Variants in JAK1 observed in about 807,000 individuals in gnomAD.
JAK1 encodes Janus kinase 1.
Under a neutral mutation model 136.6 loss-of-function variants are expected in JAK1, and 16 were observed. The ratio of observed to expected loss-of-function variants is 0.12; its 90% CI spans 0.08 to 0.18. The LOEUF (loss-of-function observed/expected upper bound fraction) is 0.18, where lower values mean the gene tolerates loss of function less well. JAK1 is among the 10% of genes least tolerant of loss of function. The pLI is 1.00. For synonymous variants in JAK1, 492 were observed against 519.5 expected (o/e 0.95, Z 0.72); for missense variants, 859 against 1,450.1 (o/e 0.59, Z 6.62).
intron 1 of JAK1, among the ~76,000 whole-genome samples, chr1:65,057,110 G>C (rs1296063449): frequency 6.6e-6 from 1 of 152,090 alleles, no homozygotes. Flanking sequence ...ATACAGACAT[G>C]AGCCTAGGAT....
intron 1 of JAK1, among the ~76,000 whole-genome samples, chr1:64,951,037 T>C (rs1301985693): frequency 3.9e-5 from 6 of 152,208 alleles, no homozygotes; most frequent in African/African-American, 1.4e-4. Context: ...TTAAACAGTA[T>C]TTACTAGACA....
chr1:64,844,352 T>C lies in JAK1; in HGVS notation c.2252-137A>G, dbSNP rs1024957157. The stretch of plus-strand genomic sequence containing the variant: ...TGCCCAAACATGGCCCATGGCCACA[T>C]AGGCCCTGTGCGGGGGGCCTGCAGG... On this transcript the variant is annotated intron_variant, in intron 16 of 24. Transcript: ENST00000342505. This position sits in a 1 kb window ranked among gnomAD's most constrained non-coding sequence, Gnocchi z 5.7. 9.5e-6 allele frequency: 11 copies of C among 1,154,180 alleles called. No homozygotes were observed. The highest frequency in any genetic ancestry group is 4.2e-5 in the South Asian group (3 of 71,944). The allele number at this position is 1,154,180 out of a possible 1,614,324, so 71.5% of individuals were successfully genotyped here.
chr1:64,961,468 C>T (rs1447277108), intron 1 of JAK1, among the ~76,000 whole-genome samples: 2 of 152,176 alleles, frequency 1.3e-5, no homozygotes, highest in Non-Finnish European at 2.9e-5. Context: ...CTTCCCCACT[C>T]ATTCGTTCAA....
intron 2 of JAK1, among the ~76,000 whole-genome samples, chr1:65,034,915 G>T (rs1361183362): frequency 6.6e-6 from 1 of 152,122 alleles, no homozygotes; most frequent in African/African-American, 2.4e-5. Context: ...AATTAGCCAG[G>T]CATGGCGGTG....
At chr1:64,918,627 A>G in intron 1 of JAK1, 1 of 180,404 alleles carries the variant, frequency 5.5e-6, no homozygotes, top group Non-Finnish European at 1.2e-5. Context: ...GAGCAATACA[A>G]GTTCTACTCA....
At chr1:64,926,007 T>C (rs1645576833) in intron 1 of JAK1, among the ~76,000 whole-genome samples, 1 of 151,970 alleles carries the variant, frequency 6.6e-6, no homozygotes, top group African/African-American at 2.4e-5. Flanking sequence ...AGATAGCATA[T>C]CAAATAAAAG....
At chr1:64,956,880 AAG>A (rs1646197267) in intron 1 of JAK1, among the ~76,000 whole-genome samples, 1 of 152,224 alleles carries the variant, frequency 6.6e-6, no homozygotes, top group South Asian at 2.1e-4. Context: ...AAGTGAGAGA[AAG>A]AGACGATACT....
chr1:64,942,379 AGGACT>A (rs1383102765), intron 1 of JAK1: 1 of 152,210 alleles, frequency 6.6e-6, no homozygotes, highest in Non-Finnish European at 1.5e-5. Flanking sequence ...GGCTCTCTAA[AGGACT>A]AATACACTAT....
intron 1 of JAK1, among the ~76,000 whole-genome samples, chr1:64,923,922 T>C (rs371656130): frequency 2.6e-5 from 4 of 152,232 alleles, no homozygotes; most frequent in East Asian, 3.9e-4. Flanking sequence ...ATAAACTATA[T>C]ACAATTTCAA....
intron 1 of JAK1, among the ~76,000 whole-genome samples, chr1:64,921,673 G>A (rs1008399923): frequency 1.3e-5 from 2 of 152,044 alleles, no homozygotes; most frequent in African/African-American, 2.4e-5. Context: ...GTAACCTAGG[G>A]ATAAGAAAAT....
chr1:65,065,065 TC>T (rs770228940), intron 1 of JAK1, among the ~76,000 whole-genome samples: 13 of 152,160 alleles, frequency 8.5e-5, no homozygotes, highest in Admixed American at 5.9e-4. Flanking sequence ...ATGTCAAAGT[TC>T]ATTGTGTTCC....
intron 1 of JAK1, among the ~76,000 whole-genome samples, chr1:64,959,054 G>A (rs1646238778): frequency 6.6e-6 from 1 of 152,208 alleles, no homozygotes; most frequent in African/African-American, 2.4e-5. Flanking sequence ...AAATTAGGGA[G>A]CTTTCTTGTC....
intron 2 of JAK1, chr1:64,995,041 G>A (rs753523546): frequency 4.6e-5 from 7 of 150,880 alleles, no homozygotes; most frequent in African/African-American, 1.2e-4. Context: ...AATTCTCCTC[G>A]TGTTGTCTTT....
chr1:64,959,897 G>GT (rs1271882421), intron 1 of JAK1, among the ~76,000 whole-genome samples: 3 of 151,762 alleles, frequency 2.0e-5, no homozygotes, highest in Non-Finnish European at 4.4e-5. Flanking sequence ...TAATTTGAGG[G>GT]TTTTTTTTAA....
intron 2 of JAK1, chr1:64,990,975 A>G (rs1310208562): frequency 2.0e-5 from 3 of 151,518 alleles, no homozygotes; most frequent in Non-Finnish European, 4.4e-5. Context: ...GAAGCTGACA[A>G]AAACCACGTG....
At chr1:64,909,793 C>T (rs957203060) in intron 1 of JAK1, among the ~76,000 whole-genome samples, 3 of 152,170 alleles carry the variant, frequency 2.0e-5, no homozygotes, top group African/African-American at 7.2e-5. Flanking sequence ...CTCTGCACTC[C>T]AGCCTGGACA....
intron 1 of JAK1, among the ~76,000 whole-genome samples, chr1:65,048,071 C>T (rs991001520): frequency 3.3e-5 from 5 of 152,048 alleles, no homozygotes; most frequent in African/African-American, 1.2e-4. Flanking sequence ...AAGAAAAAAA[C>T]CAAACAGGAG....
intron 1 of JAK1, among the ~76,000 whole-genome samples, chr1:64,887,875 C>T (rs570576240): frequency 5.9e-5 from 9 of 152,272 alleles, no homozygotes; most frequent in African/African-American, 2.2e-4. Context: ...ACAGGAAAAC[C>T]TCACAATACT....
At chr1:64,942,947 T>C (rs1645917555) in intron 1 of JAK1, among the ~76,000 whole-genome samples, 1 of 152,210 alleles carries the variant, frequency 6.6e-6, no homozygotes, top group African/African-American at 2.4e-5. Context: ...TTACATTTGC[T>C]GTCTATATTT....
Sources: gnomAD v4.1 joint callset for allele counts (sites outside exome capture counted in the v4.1 genomes callset) on GRCh38, gnomAD v4.1.1 for gene constraint, Gnocchi (gnomAD v3.1) non-coding constraint, MANE v1.5 for transcripts, NCBI Gene and HGNC (gene_info 2026-07-23, HGNC 2026-07-21) for gene names.